PLPPR4: variants seen among roughly 807,000 people sequenced by gnomAD.
The protein encoded by PLPPR4 is phospholipid phosphatase related 4, also known as phospholipid phosphatase-related protein type 4.
A neutral mutation model predicts 56.6 loss-of-function variants in PLPPR4; 24 were observed. That is an observed-to-expected ratio of 0.42 (90% CI 0.31 to 0.60). PLPPR4 has a LOEUF of 0.60. Among genes scored for constraint, PLPPR4 ranks in the 20% least tolerant of loss-of-function variants. PLPPR4 has a pLI of 0.13. For synonymous variants in PLPPR4, 326 were observed against 328.1 expected (o/e 0.99, Z 0.07); for missense variants, 654 against 885.8 (o/e 0.74, Z 3.32).
At chr1:99,304,330 A>T (rs1659961670) in intron 6 of PLPPR4, among the ~76,000 whole-genome samples, 1 of 152,148 alleles carries the variant, frequency 6.6e-6, no homozygotes, top group Non-Finnish European at 1.5e-5. Flanking sequence ...TGTACCATAG[A>T]GCCTAGGTGT....
chr1:99,266,282 T>C (rs1658894555), intron 1 of PLPPR4, among the ~76,000 whole-genome samples: 1 of 152,236 alleles, frequency 6.6e-6, no homozygotes, highest in Non-Finnish European at 1.5e-5. Context: ...AGTTAATGGC[T>C]GAGTTCCATC....
chr1:99,269,997 TTGTG>T (rs10612152), intron 1 of PLPPR4, among the ~76,000 whole-genome samples: 10,476 of 134,388 alleles, frequency 0.078, 443 homozygotes, highest in African/African-American at 0.11. Context: ...TTCATTCCTT[TTGTG>T]TGTGTGTGTG....
At chr1:99,289,546 GC>G (rs1221692441) in intron 2 of PLPPR4, among the ~76,000 whole-genome samples, 1 of 152,032 alleles carries the variant, frequency 6.6e-6, no homozygotes, top group Middle Eastern at 3.2e-3. Context: ...CTTGGAAGAA[GC>G]TGAGACTTTG....
In PLPPR4 at chr1:99,306,423, A is replaced by C. The variant is rs752776232; in HGVS notation, c.1561A>C (p.Arg521=). 17 of 1,614,204 alleles carry C rather than the reference A, an allele frequency of 1.1e-5. No individual in the cohort carries two copies. Among genetic ancestry groups the C allele is most frequent in the Middle Eastern group, 1.6e-4 (1 of 6,062 alleles). ...KAAEKTVACN[R]SNSQPRIMQV... ...TGCTGAAAAGACTGTGGCCTGTAAC[A>C]GAAGCAACAGCCAGCCCCGAATCAT... The change falls in exon 7 of 7, where the codon AGA becomes CGA. Residue 521 remains arginine, a synonymous_variant. Coordinates refer to ENST00000370185, the MANE Select transcript of PLPPR4 (RefSeq NM_014839.5). This position sits in a 1 kb window ranked among gnomAD's most constrained non-coding sequence, Gnocchi z 4.0.
At chr1:99,267,708 G>A (rs1229470021) in intron 1 of PLPPR4, among the ~76,000 whole-genome samples, 3 of 152,124 alleles carry the variant, frequency 2.0e-5, no homozygotes, top group Admixed American at 1.3e-4. Flanking sequence ...TCCTGACAAG[G>A]TCTAGCTTAA....
Position 99,306,849 on chromosome 1 carries a change from A to T in PLPPR4, c.1987A>T (p.Ser663Cys). The T allele has an allele frequency of 6.2e-7, 1 of 1,614,180 alleles. No homozygotes were observed. The highest frequency in any genetic ancestry group is 2.2e-5 in the East Asian group (1 of 44,864). The change falls in exon 7 of 7, where the codon AGC becomes TGC. Residue 663 changes from serine to cysteine, a missense_variant. Coordinates refer to ENST00000370185, the MANE Select transcript of PLPPR4 (RefSeq NM_014839.5). The surrounding 1 kb of genome is among the most constrained non-coding windows in gnomAD (Gnocchi z 4.0). ...CATCCGCGTCACCCCAGTAGAGGGC[A>T]GCGAAATTGGCTCAGAGACGCTGTC... ...TTIRVTPVEG[S>C]EIGSETLSIS...
At chr1:99,305,571 G>C in intron 6 of PLPPR4, 114 bp from the exon 7 acceptor site, 1 of 946,510 alleles carries the variant, frequency 1.1e-6, no homozygotes, top group Non-Finnish European at 1.6e-6. Context: ...ATTTGTACTA[G>C]TCAATGGTGT....
chr1:99,296,925 T>C, intron 3 of PLPPR4, 58 bp downstream of exon 3: 1 of 1,400,754 alleles, frequency 7.1e-7, no homozygotes, highest in South Asian at 1.6e-5. Flanking sequence ...TGAAATGTTA[T>C]ATTTAATTAT....
chr1:99,282,330 C>T (rs1377167419), intron 1 of PLPPR4, among the ~76,000 whole-genome samples: 9 of 152,128 alleles, frequency 5.9e-5, no homozygotes, highest in African/African-American at 1.9e-4. Flanking sequence ...TTCTTTGTAT[C>T]TCCAGTACTA....
chr1:99,264,089 C>T (rs145825458), upstream of PLPPR4: 134 of 243,522 alleles, frequency 5.5e-4, 1 homozygote, highest in East Asian at 0.01. Context: ...TGGAGCAGGG[C>T]TTCTGATCCT....
At chr1:99,293,036 G>A (rs1268422078) in intron 2 of PLPPR4, among the ~76,000 whole-genome samples, 1 of 152,156 alleles carries the variant, frequency 6.6e-6, no homozygotes, top group African/African-American at 2.4e-5. Flanking sequence ...GGGGTCATGA[G>A]AGGGGGTAGG....
rs867619369 is a variant in PLPPR4 at position 99,306,069 on chromosome 1, T to C, written c.1207T>C (p.Trp403Arg). 1 of 1,613,818 alleles carries C rather than the reference T, an allele frequency of 6.2e-7. No homozygotes were observed. Among genetic ancestry groups the C allele is most frequent in the African/African-American group, 1.3e-5 (1 of 74,900 alleles). ...SARSKQLLTQ[W>R]KNKNESRKLS... ...TCGATCAAAGCAGCTCCTCACCCAG[T>C]GGAAGAATAAGAATGAAAGTCGAAA... is the stretch of plus-strand genomic sequence containing the variant. Residue 403 changes from tryptophan to arginine, a missense_variant, in exon 7 of 7, where the codon TGG becomes CGG. This residue lies in a region of PLPPR4 where 468 missense variants were observed against 554.3 expected (regional missense o/e 0.84). Transcript: ENST00000370185. This position sits in a 1 kb window ranked among gnomAD's most constrained non-coding sequence, Gnocchi z 4.0.
chr1:99,274,422 C>T (rs1462465135), intron 1 of PLPPR4, among the ~76,000 whole-genome samples: 1 of 152,084 alleles, frequency 6.6e-6, no homozygotes, highest in Non-Finnish European at 1.5e-5. Context: ...CCTCTCCCAT[C>T]TTGTCTAAAG....
In PLPPR4 at chr1:99,307,646, G is replaced by A. The variant is rs1334305125; in HGVS notation, c.*636G>A. On this transcript the variant is annotated 3_prime_UTR_variant, in exon 7 of 7. Transcript: ENST00000370185. ...CTCTGTCACAGTCAAAAAATGAAAAGGTTTTTGTGCGTTTCTTCAAAATTC... is the reference window on the plus strand; with the variant it reads ...CTCTGTCACAGTCAAAAAATGAAAAAGTTTTTGTGCGTTTCTTCAAAATTC... 6.6e-6 allele frequency: 1 copy of A among 152,128 alleles called. No homozygotes were observed. The allele number at this position is 152,128 out of a possible 1,614,324, so 9.4% of individuals were successfully genotyped here. A position where few individuals can be genotyped will look rare whatever the true frequency, so the allele number is the denominator to read the frequency against.
intron 6 of PLPPR4, among the ~76,000 whole-genome samples, chr1:99,303,101 T>C (rs1008991265): frequency 5.9e-5 from 9 of 152,052 alleles, no homozygotes; most frequent in African/African-American, 1.9e-4. Flanking sequence ...AAAAGTGATG[T>C]GTATGTGTGT....
intron 6 of PLPPR4, 83 bp downstream of exon 6, chr1:99,301,980 T>C: frequency 3.4e-6 from 3 of 889,274 alleles, no homozygotes; most frequent in Non-Finnish European, 4.9e-6. Flanking sequence ...ATAGCTTCCT[T>C]GCGATATATT....
intron 6 of PLPPR4, among the ~76,000 whole-genome samples, chr1:99,305,484 C>T (rs1252413943): frequency 6.6e-6 from 1 of 152,178 alleles, no homozygotes; most frequent in Non-Finnish European, 1.5e-5. Context: ...GTTCACATTG[C>T]TGAGCAATTC....
chr1:99,271,944 G>GTGTGTGTGTGTGTGTGT (rs759601697), intron 1 of PLPPR4, among the ~76,000 whole-genome samples: 1 of 20,666 alleles, frequency 4.8e-5, no homozygotes, highest in Non-Finnish European at 8.4e-5. Flanking sequence ...GTGTGTGTGT[G>GTGTGTGTGTGTGTGTGT]ATGGAGATCC....
intron 1 of PLPPR4, among the ~76,000 whole-genome samples, chr1:99,275,425 A>G (rs534140051): frequency 6.6e-6 from 1 of 152,312 alleles, no homozygotes; most frequent in East Asian, 1.9e-4. Context: ...GGACATAATT[A>G]AGGAAAAATT....
Sources: gnomAD v4.1 joint callset for allele counts (sites outside exome capture counted in the v4.1 genomes callset) on GRCh38, gnomAD v4.1.1 for gene constraint, gnomAD v4.1.1 regional missense constraint, Gnocchi (gnomAD v3.1) non-coding constraint, MANE v1.5 for transcripts, NCBI Gene and HGNC (gene_info 2026-07-23, HGNC 2026-07-21) for gene names.